The following ITGB8 variants were observed in gnomAD, a reference collection of about 807,000 sequenced individuals.
The protein encoded by ITGB8 is integrin subunit beta 8.
A neutral mutation model predicts 89.5 loss-of-function variants in ITGB8; 30 were observed. The ratio of observed to expected loss-of-function variants is 0.34; its 90% CI spans 0.25 to 0.45. The LOEUF is 0.45. Among genes scored for constraint, ITGB8 ranks in the 20% least tolerant of loss-of-function variants. The pLI is 1.00. For synonymous variants in ITGB8, 335 were observed against 320.4 expected (o/e 1.05, Z -0.49); for missense variants, 836 against 933.3 (o/e 0.90, Z 1.36).
intron 1 of ITGB8, chr7:20,353,204 A>G (rs1409426322): frequency 6.6e-6 from 1 of 152,244 alleles, no homozygotes; most frequent in African/African-American, 2.4e-5. Flanking sequence ...CCAAGGTTGA[A>G]CATGCTTGTT....
intron 1 of ITGB8, 51 bp downstream of exon 1, chr7:20,331,984 G>A: frequency 6.3e-7 from 1 of 1,591,070 alleles, no homozygotes; most frequent in Non-Finnish European, 8.6e-7. Flanking sequence ...AAGGTCTTGG[G>A]CTGGCACGAA....
At chr7:20,377,355 T>C (rs1187433107) in intron 3 of ITGB8, 3 of 152,174 alleles carry the variant, frequency 2.0e-5, no homozygotes, top group African/African-American at 7.2e-5. Context: ...ACACTTTTCA[T>C]CAACAGCAGT....
chr7:20,409,564 T>G, intron 12 of ITGB8, 51 bp from the exon 13 acceptor site: 1 of 1,272,796 alleles, frequency 7.9e-7, no homozygotes, highest in East Asian at 2.3e-5. Context: ...ATAGACTCTT[T>G]GATTTACTTA....
chr7:20,356,200 T>C (rs1212592817), intron 1 of ITGB8, among the ~76,000 whole-genome samples: 1 of 152,204 alleles, frequency 6.6e-6, no homozygotes, highest in Non-Finnish European at 1.5e-5. Flanking sequence ...AAGCACCTAC[T>C]CCTTCCCTTT....
At chr7:20,364,264 G>A (rs971788343) in intron 2 of ITGB8, among the ~76,000 whole-genome samples, 1 of 152,090 alleles carries the variant, frequency 6.6e-6, no homozygotes, top group African/African-American at 2.4e-5. Context: ...GAAGCGATCT[G>A]CTAATCTGGG....
At chr7:20,371,541 A>G (rs1475396931) in intron 3 of ITGB8, among the ~76,000 whole-genome samples, 1 of 152,184 alleles carries the variant, frequency 6.6e-6, no homozygotes, top group Non-Finnish European at 1.5e-5. Flanking sequence ...TTAAAAAAGT[A>G]TAAGATCCAT....
At chr7:20,347,916 C>G (rs945431651) in intron 1 of ITGB8, among the ~76,000 whole-genome samples, 1 of 152,160 alleles carries the variant, frequency 6.6e-6, no homozygotes, top group Non-Finnish European at 1.5e-5. Context: ...AGTGCCCACT[C>G]AGTGTTGAAA....
chr7:20,367,210 T>C (rs370040328), intron 3 of ITGB8, 24 bp downstream of exon 3: 113 of 1,534,524 alleles, frequency 7.4e-5, no homozygotes, highest in Non-Finnish European at 9.9e-5. Flanking sequence ...CAAATAAATC[T>C]ATAATGATTC....
At position 20,381,799 on chromosome 7, in the gene ITGB8, C is replaced by G; in HGVS notation, c.874C>G (p.Leu292Val). ...GACAGATCAGACGTCTCATCTCGCT[C>G]TTGATAGCAAATTGGCAGGCATAGT... ...VMTDQTSHLALDSKLAGIVVP... is the reference protein window; with the variant it reads ...VMTDQTSHLAVDSKLAGIVVP... Residue 292 changes from leucine (L) to valine (V), a missense_variant, in exon 6 of 14, where the codon CTT becomes GTT. This residue lies in a region of ITGB8 where 192 missense variants were observed against 267.1 expected (regional missense o/e 0.72). Coordinates refer to ENST00000222573, the MANE Select transcript of ITGB8 (RefSeq NM_002214.3). 6.2e-7 allele frequency: 1 copy of G among 1,614,056 alleles called. No homozygotes were observed. The highest frequency in any genetic ancestry group is 8.5e-7 in the Non-Finnish European group (1 of 1,179,910).
chr7:20,370,600 T>TTTTTTATTATTA (rs368578359), intron 3 of ITGB8, among the ~76,000 whole-genome samples: 1 of 144,406 alleles, frequency 6.9e-6, no homozygotes, highest in African/African-American at 2.6e-5. Context: ...TATTTACTTA[T>TTTTTTATTATTA]TTATTATTAT....
intron 1 of ITGB8, among the ~76,000 whole-genome samples, chr7:20,361,726 T>G (rs919515148): frequency 7.2e-5 from 11 of 152,176 alleles, no homozygotes; most frequent in Non-Finnish European, 1.5e-5. Context: ...ACTAAAAAGG[T>G]CACTCACTTT....
At chr7:20,362,618 A>G (rs1785548115) in intron 1 of ITGB8, among the ~76,000 whole-genome samples, 1 of 152,130 alleles carries the variant, frequency 6.6e-6, no homozygotes, top group South Asian at 2.1e-4. Context: ...GTTTGCTTAT[A>G]TATGTCTCTT....
intron 1 of ITGB8, among the ~76,000 whole-genome samples, chr7:20,345,222 G>A (rs1784883585): frequency 6.6e-6 from 1 of 152,108 alleles, no homozygotes; most frequent in Non-Finnish European, 1.5e-5. Flanking sequence ...TATTGACATT[G>A]TAATCCAATA....
chr7:20,402,724 G>A (rs1010862003), intron 10 of ITGB8, among the ~76,000 whole-genome samples: 19 of 152,110 alleles, frequency 1.2e-4, no homozygotes, highest in African/African-American at 4.3e-4. Flanking sequence ...TAATCTAAAA[G>A]ATTCGTCCTT....
intron 2 of ITGB8, chr7:20,366,713 C>T (rs1357798536): frequency 1.6e-5 from 4 of 242,772 alleles, no homozygotes; most frequent in East Asian, 1.3e-4. Context: ...GGCAGTGAGC[C>T]GAGATCGTGC....
chr7:20,381,225 C>T (rs1056798808), intron 5 of ITGB8: 1 of 158,250 alleles, frequency 6.3e-6, no homozygotes, highest in Admixed American at 6.4e-5. Context: ...TGCAGTGGCG[C>T]CATCTCGGCT....
chr7:20,345,987 C>T (rs6943508), intron 1 of ITGB8, among the ~76,000 whole-genome samples: 140,482 of 152,238 alleles, frequency 0.92, 64,889 homozygotes, highest in East Asian at 0.99. Flanking sequence ...TTTCTAAAAA[C>T]GAGAAAGCAT....
chr7:20,359,381 A>G (rs1785416437), intron 1 of ITGB8, among the ~76,000 whole-genome samples: 1 of 152,250 alleles, frequency 6.6e-6, no homozygotes, highest in Admixed American at 6.5e-5. Context: ...ATCACTAGGC[A>G]AATAGCTGAA....
chr7:20,348,959 T>C (rs1392668342), intron 1 of ITGB8, among the ~76,000 whole-genome samples: 3 of 152,198 alleles, frequency 2.0e-5, no homozygotes, highest in Admixed American at 2.0e-4. Flanking sequence ...AAGAATTTTA[T>C]AGGGCAATAT....
Sources: allele counts gnomAD v4.1 joint callset (sites outside exome capture counted in the v4.1 genomes callset), GRCh38; gene constraint gnomAD v4.1.1; regional missense constraint gnomAD v4.1.1; transcripts MANE v1.5; gene names NCBI Gene and HGNC (gene_info 2026-07-23, HGNC 2026-07-21).